The following PCDHA13 variants were observed in gnomAD, a reference collection of about 807,000 sequenced individuals.
PCDHA13 encodes protocadherin alpha-13.
In PCDHA13, 54 loss-of-function variants were observed where a neutral mutation model predicts 64.8. The observed-to-expected ratio is 0.83, with a 90% CI of 0.67 to 1.04. PCDHA13 has a LOEUF of 1.04. Among genes scored for constraint, PCDHA13 ranks in the 50% least tolerant of loss-of-function variants. The pLI, the probability that PCDHA13 is intolerant of heterozygous loss-of-function variation, is 0.00. For synonymous variants in PCDHA13, 587 were observed against 564.4 expected, an observed-to-expected ratio of 1.04 and a Z score of -0.57; for missense variants, 1,248 against 1,254.3, an observed-to-expected ratio of 0.99 and a Z score of 0.08.
chr5:140,929,541 G>A, intron 1 of PCDHA13: 6 of 542,944 alleles, frequency 1.1e-5, no homozygotes, highest in Non-Finnish European at 1.8e-5. Context: ...AGAAACAAGG[G>A]CAAAAATTAA....
chr5:140,961,599 G>A (rs1012408317), intron 1 of PCDHA13, among the ~76,000 whole-genome samples: 3 of 152,062 alleles, frequency 2.0e-5, no homozygotes, highest in Non-Finnish European at 4.4e-5. Flanking sequence ...AATGATTCTA[G>A]TAAATGAAAC....
chr5:141,004,423 C>T (rs2098165944), intron 3 of PCDHA13, among the ~76,000 whole-genome samples: 1 of 152,202 alleles, frequency 6.6e-6, no homozygotes, highest in Non-Finnish European at 1.5e-5. Context: ...TCTCTGCCTC[C>T]TGGAGTTTAG....
At chr5:140,954,512 T>C (rs2095046956) in intron 1 of PCDHA13, among the ~76,000 whole-genome samples, 1 of 152,254 alleles carries the variant, frequency 6.6e-6, no homozygotes, top group Non-Finnish European at 1.5e-5. Flanking sequence ...TGCATTTACC[T>C]AATGATCAGT....
chr5:140,967,747 A>G (rs782650276), intron 1 of PCDHA13: 36 of 1,614,042 alleles, frequency 2.2e-5, no homozygotes, highest in Non-Finnish European at 3.0e-5. Context: ...ATTATGAGGA[A>G]GCCTCCTCCT....
chr5:140,962,889 A>G (rs1554226313), intron 1 of PCDHA13, among the ~76,000 whole-genome samples: 2 of 152,220 alleles, frequency 1.3e-5, no homozygotes, highest in Admixed American at 6.5e-5. Flanking sequence ...GAATTAAAAA[A>G]TGAAAACTAG....
chr5:140,945,534 TACAA>T (rs1326981055), intron 1 of PCDHA13, among the ~76,000 whole-genome samples: 1 of 151,454 alleles, frequency 6.6e-6, no homozygotes, highest in African/African-American at 2.4e-5. Flanking sequence ...AAACAAAACA[TACAA>T]ACAAAAAAAT....
chr5:140,928,846 C>T, intron 1 of PCDHA13: 1 of 1,614,192 alleles, frequency 6.2e-7, no homozygotes, highest in Non-Finnish European at 8.5e-7. Context: ...CTCTGTCACT[C>T]TGGGTGTGCT....
intron 1 of PCDHA13, among the ~76,000 whole-genome samples, chr5:140,885,242 A>G (rs1481024816): frequency 6.6e-6 from 1 of 152,038 alleles, no homozygotes; most frequent in Non-Finnish European, 1.5e-5. Context: ...TCAATTTTTT[A>G]TTTGCATTCA....
At chr5:140,893,593 T>C (rs1433494751) in intron 1 of PCDHA13, among the ~76,000 whole-genome samples, 5 of 152,244 alleles carry the variant, frequency 3.3e-5, no homozygotes, top group African/African-American at 1.2e-4. Context: ...TGGGAAATAC[T>C]TTATTTCTCC....
At chr5:141,008,905 A>G (rs1212655574) in intron 3 of PCDHA13, among the ~76,000 whole-genome samples, 2 of 152,256 alleles carry the variant, frequency 1.3e-5, no homozygotes, top group African/African-American at 4.8e-5. Flanking sequence ...TAAAATTAAG[A>G]TCAAATAATT....
At chr5:140,947,996 T>C (rs185303145) in intron 1 of PCDHA13, among the ~76,000 whole-genome samples, 1 of 126,772 alleles carries the variant, frequency 7.9e-6, no homozygotes, top group Non-Finnish European at 1.7e-5. Context: ...CCAAATACTT[T>C]ATTAAATTTA....
intron 1 of PCDHA13, chr5:140,966,564 T>A (rs1342180377): frequency 2.0e-6 from 1 of 488,548 alleles, no homozygotes; most frequent in Non-Finnish European, 3.4e-6. Context: ...GGAGCTGGAA[T>A]ATGGGGAGTC....
chr5:140,969,069 T>G, intron 1 of PCDHA13: 1 of 1,614,160 alleles, frequency 6.2e-7, no homozygotes, highest in Non-Finnish European at 8.5e-7. Flanking sequence ...GATGCCAGGA[T>G]ACCGCATGGC....
At chr5:140,892,819 A>G (rs551280418) in intron 1 of PCDHA13, among the ~76,000 whole-genome samples, 2 of 152,304 alleles carry the variant, frequency 1.3e-5, no homozygotes, top group South Asian at 4.1e-4. Context: ...TTTATCCTAC[A>G]GTGCTACAGT....
Position 140,966,822 on chromosome 5 carries a change from C to A in PCDHA13, c.2395-12127C>A, listed in dbSNP as rs1329460642. 9 of 1,558,948 alleles carry A rather than the reference C, an allele frequency of 5.8e-6. No individual in the cohort carries two copies. In the Admixed American group the frequency reaches 7.5e-5, roughly 13 times the overall value. On this transcript the variant is annotated intron_variant, in intron 1 of 3. Transcript: ENST00000289272. ...ACAGAGCATCCACGGCTCCGGCGGC[C>A]CATGCCCTGGCTGCTGCTACTGCCT... is the stretch of plus-strand genomic sequence containing the variant.
At chr5:140,928,235 C>T (rs1455319165) in intron 1 of PCDHA13, 9 of 1,614,090 alleles carry the variant, frequency 5.6e-6, no homozygotes, top group African/African-American at 1.3e-5. Context: ...TTTCCTCAAC[C>T]CCAGCAGGAA....
At chr5:140,945,664 C>T (rs1342424562) in intron 1 of PCDHA13, among the ~76,000 whole-genome samples, 1 of 152,048 alleles carries the variant, frequency 6.6e-6, no homozygotes, top group Admixed American at 6.5e-5. Context: ...ATACAGCTCC[C>T]AGAAATAAAT....
chr5:140,929,306 A>G lies in PCDHA13; in HGVS notation c.2394+44644A>G, dbSNP rs781950847. 9 of 1,572,580 alleles carry G rather than the reference A, an allele frequency of 5.7e-6. No homozygotes were observed. The Admixed American group carries it at 9.0e-5, about 16-fold the overall frequency. On this transcript the variant is annotated intron_variant, in intron 1 of 3. Coordinates refer to ENST00000289272, the MANE Select transcript of PCDHA13 (RefSeq NM_018904.3). The stretch of plus-strand genomic sequence containing the variant: ...CAGATTCGGAATAGGAAAGGGGATC[A>G]CGCTAATGTCAATGCCATGGTAAGC...
intron 3 of PCDHA13, among the ~76,000 whole-genome samples, chr5:140,982,908 C>A (rs1554244948): frequency 2.0e-5 from 3 of 151,668 alleles, no homozygotes; most frequent in Non-Finnish European, 2.9e-5. Flanking sequence ...GCCTTATGCA[C>A]AGAGATGACA....
Sources: allele counts gnomAD v4.1 joint callset (sites outside exome capture counted in the v4.1 genomes callset), GRCh38; gene constraint gnomAD v4.1.1; transcripts MANE v1.5; gene names NCBI Gene and HGNC (gene_info 2026-07-23, HGNC 2026-07-21).